Variants in TRIM24 observed in about 807,000 individuals in gnomAD.
The protein encoded by TRIM24 is tripartite motif containing 24, also known as transcription intermediary factor 1-alpha.
In TRIM24, 29 loss-of-function variants were observed where a neutral mutation model predicts 123.9. That is an observed-to-expected ratio of 0.23 (90% CI 0.17 to 0.32). The LOEUF is 0.32. Ranked by LOEUF, TRIM24 falls within the 10% of genes least tolerant of loss-of-function variation. The pLI, the probability that TRIM24 is intolerant of heterozygous loss-of-function variation, is 1.00. For synonymous variants in TRIM24, 456 were observed against 461.1 expected (o/e 0.99, Z 0.14); for missense variants, 932 against 1,295.3 (o/e 0.72, Z 4.31).
rs1011445824 is a variant in TRIM24 at position 138,508,873 on chromosome 7, C to G, written c.483+4465C>G. Reference sequence around the variant, plus strand: ...CATGGGAAATAATATTTGGAGACCACAGTATGGTACGGTGGGTGCTCATCA... The same window carrying G: ...CATGGGAAATAATATTTGGAGACCAGAGTATGGTACGGTGGGTGCTCATCA... On this transcript the variant is annotated intron_variant, in intron 2 of 18. Coordinates refer to ENST00000343526, the MANE Select transcript of TRIM24 (RefSeq NM_015905.3). 4.6e-5 allele frequency among the ~76,000 whole-genome samples: 7 copies of G among 152,026 alleles called. No individual in the cohort carries two copies. The South Asian group carries it at 1.5e-3, about 32-fold the overall frequency.
intron 1 of TRIM24, among the ~76,000 whole-genome samples, chr7:138,482,057 C>G (rs1233701231): frequency 6.6e-6 from 1 of 152,184 alleles, no homozygotes; most frequent in Admixed American, 6.5e-5. Flanking sequence ...TCTGATTTCT[C>G]TTTCTCAGGC....
chr7:138,462,232 C>G (rs1425952693), intron 1 of TRIM24, among the ~76,000 whole-genome samples: 1 of 152,010 alleles, frequency 6.6e-6, no homozygotes, highest in Non-Finnish European at 1.5e-5. Context: ...GTTCCCTAAG[C>G]TTAGGGTTCC....
intron 1 of TRIM24, among the ~76,000 whole-genome samples, chr7:138,480,599 G>T (rs1795504799): frequency 6.6e-6 from 1 of 152,040 alleles, no homozygotes; most frequent in South Asian, 2.1e-4. Context: ...GTATATGTGA[G>T]TCCTGAGGTT....
At chr7:138,537,285 A>G (rs1796901143) in intron 6 of TRIM24, among the ~76,000 whole-genome samples, 3 of 150,794 alleles carry the variant, frequency 2.0e-5, no homozygotes, top group South Asian at 2.1e-4. Context: ...AAATGCAGAA[A>G]TCACCCATCT....
Position 138,554,974 on chromosome 7 carries a change from T to C in TRIM24, c.1530+8T>C. On this transcript the variant is annotated splice_region_variant and intron_variant, in intron 9 of 18. Transcript: ENST00000343526. The surrounding 1 kb of genome is among the most constrained non-coding windows in gnomAD (Gnocchi z 4.5). ...CCTTCCATCTCTCATCAGGTAAATTTGGAAGCAGGCCTGTCCTCACTTAGA... is the reference window on the plus strand; with the variant it reads ...CCTTCCATCTCTCATCAGGTAAATTCGGAAGCAGGCCTGTCCTCACTTAGA... The C allele has an allele frequency of 6.2e-7, 1 of 1,613,264 alleles. No individual in the cohort carries two copies. The highest frequency in any genetic ancestry group is 1.1e-5 in the South Asian group (1 of 91,066).
intron 9 of TRIM24, chr7:138,556,313 G>A (rs1797315371): frequency 6.6e-6 from 1 of 151,852 alleles, no homozygotes; most frequent in African/African-American, 2.4e-5. Context: ...TTTTTCACTG[G>A]GTCTGTAATT....
rs1336499405 is a variant in TRIM24 at position 138,473,054 on chromosome 7, C to T, written c.364+12142C>T. 7.9e-5 allele frequency among the ~76,000 whole-genome samples: 12 copies of T among 151,912 alleles called. No homozygotes were observed. The South Asian group carries it at 1.0e-3, about 13-fold the overall frequency. The stretch of plus-strand genomic sequence containing the variant: ...CAACACTTTGGGAGGCTGAGGCAGG[C>T]GGGTTACCTGAGGTCAGGAGTTCGA... On this transcript the variant is annotated intron_variant, in intron 1 of 18. Coordinates refer to ENST00000343526, the MANE Select transcript of TRIM24 (RefSeq NM_015905.3).
intron 1 of TRIM24, among the ~76,000 whole-genome samples, chr7:138,481,036 A>T (rs886960419): frequency 1.3e-5 from 2 of 152,012 alleles, no homozygotes; most frequent in Non-Finnish European, 2.9e-5. Context: ...CTTGTTGCTC[A>T]GGCTGGAGTG....
intron 4 of TRIM24, among the ~76,000 whole-genome samples, chr7:138,523,426 T>C (rs1439526453): frequency 6.6e-6 from 1 of 152,112 alleles, no homozygotes; most frequent in African/African-American, 2.4e-5. Flanking sequence ...CACATGCAAA[T>C]GACACAGATG....
At chr7:138,515,055 T>A (rs1796368086) in intron 2 of TRIM24, among the ~76,000 whole-genome samples, 157 bp from the exon 3 acceptor site, 1 of 152,242 alleles carries the variant, frequency 6.6e-6, no homozygotes. Context: ...TTCTTATGTG[T>A]ATAATGTAAC....
intron 14 of TRIM24, among the ~76,000 whole-genome samples, chr7:138,578,958 A>G (rs904209035): frequency 6.6e-6 from 1 of 151,252 alleles, no homozygotes; most frequent in Non-Finnish European, 1.5e-5. Context: ...GTTGACTTCC[A>G]CTCTACCCAA....
chr7:138,461,501 A>G (rs911277312), intron 1 of TRIM24, among the ~76,000 whole-genome samples: 1 of 152,216 alleles, frequency 6.6e-6, no homozygotes, highest in Non-Finnish European at 1.5e-5. Flanking sequence ...TGCTGGGGAC[A>G]AAGGAACCAA....
chr7:138,561,602 C>T lies in TRIM24; in HGVS notation c.1531-5879C>T, dbSNP rs553715072. Among the ~76,000 whole-genome samples the T allele has an allele frequency of 3.8e-4, 58 of 152,238 alleles. No homozygotes were observed. In the Middle Eastern group the frequency reaches 0.01, roughly 27 times the overall value. ...TCCTGTGCTAATAGGGCTGTGGCAGCTAGTGCTTTGAGGCACAGAGGCCAT... is the reference window on the plus strand; with the variant it reads ...TCCTGTGCTAATAGGGCTGTGGCAGTTAGTGCTTTGAGGCACAGAGGCCAT... On this transcript the variant is annotated intron_variant, in intron 9 of 18. Transcript: ENST00000343526.
At position 138,584,006 on chromosome 7, in the gene TRIM24, C is replaced by T. The variant is rs1222014884; in HGVS notation, c.2943+7C>T. ...CTGTGCTGAATTCAATGAGGTGAGG[C>T]TAGGGGAGGGAAGGGGGCAGGAAGG... On this transcript the variant is annotated splice_region_variant and intron_variant, in intron 18 of 18. Coordinates refer to ENST00000343526, the MANE Select transcript of TRIM24 (RefSeq NM_015905.3). 1.3e-6 allele frequency: 2 copies of T among 1,596,282 alleles called. No individual in the cohort carries two copies. The highest frequency in any genetic ancestry group is 1.7e-6 in the Non-Finnish European group (2 of 1,175,164).
At chr7:138,524,401 G>A (rs1796568395) in intron 4 of TRIM24, among the ~76,000 whole-genome samples, 3 of 152,136 alleles carry the variant, frequency 2.0e-5, no homozygotes, top group Non-Finnish European at 2.9e-5. Context: ...AAAAAAACTT[G>A]AGTTGCCTAT....
intron 1 of TRIM24, among the ~76,000 whole-genome samples, chr7:138,500,128 G>A (rs989293817): frequency 6.6e-5 from 10 of 152,146 alleles, no homozygotes; most frequent in African/African-American, 1.2e-4. Context: ...AGAAGTGCGA[G>A]CCATTCCTAG....
intron 6 of TRIM24, among the ~76,000 whole-genome samples, chr7:138,532,435 G>A (rs1466942913): frequency 6.6e-6 from 1 of 152,110 alleles, no homozygotes; most frequent in Non-Finnish European, 1.5e-5. Context: ...TCTACATATG[G>A]CTAGCCAGTT....
At chr7:138,497,955 A>G (rs1444131413) in intron 1 of TRIM24, among the ~76,000 whole-genome samples, 1 of 152,064 alleles carries the variant, frequency 6.6e-6, no homozygotes, top group Non-Finnish European at 1.5e-5. Context: ...GGCTGTCCAA[A>G]GTGCTGGGAT....
In TRIM24 at chr7:138,551,124, A is replaced by C. The variant is rs1437149255; in HGVS notation, c.1205A>C (p.Asn402Thr). The C allele has an allele frequency of 1.7e-5, 27 of 1,613,936 alleles. No individual in the cohort carries two copies. Among genetic ancestry groups the C allele is most frequent in the Middle Eastern group, 1.7e-4 (1 of 6,060 alleles). Residue 402 changes from asparagine (N) to threonine (T), a missense_variant, in exon 8 of 19, where the codon AAC becomes ACC. Coordinates refer to ENST00000343526, the MANE Select transcript of TRIM24 (RefSeq NM_015905.3). ...ARCDASPVTN[N>T]TIQFHCDPSF... ...TGTGATGCATCCCCAGTGACCAACA[A>C]CACCATCCAATTTCACTGTGATCCT... is the stretch of plus-strand genomic sequence containing the variant.
Sources: gnomAD v4.1 joint callset for allele counts (sites outside exome capture counted in the v4.1 genomes callset) on GRCh38, gnomAD v4.1.1 for gene constraint, Gnocchi (gnomAD v3.1) non-coding constraint, MANE v1.5 for transcripts, NCBI Gene and HGNC (gene_info 2026-07-23, HGNC 2026-07-21) for gene names.